Variants in VSIG10 observed in about 807,000 individuals in gnomAD.
VSIG10 encodes V-set and immunoglobulin domain containing 10, also known as V-set and immunoglobulin domain-containing protein 10.
A neutral mutation model predicts 58.7 loss-of-function variants in VSIG10; 48 were observed. The ratio of observed to expected loss-of-function variants is 0.82; its 90% CI spans 0.65 to 1.04. The LOEUF is 1.04. Ranked by LOEUF, VSIG10 falls within the 50% of genes least tolerant of loss-of-function variation. VSIG10 has a pLI of 0.00. For missense variants in VSIG10, 628 were observed against 670.0 expected (o/e 0.94, Z 0.69); for synonymous variants, 260 against 267.1 (o/e 0.97, Z 0.26).
At chr12:118,103,549 G>GGTAAA in intron 1 of VSIG10, 44 bp downstream of exon 1, 1 of 1,491,780 alleles carries the variant, frequency 6.7e-7, no homozygotes, top group Non-Finnish European at 8.9e-7. Context: ...CCCCACCGCT[G>GGTAAA]ACTGGGAAAA....
At chr12:118,097,422 C>A (rs1212732841) in intron 1 of VSIG10, among the ~76,000 whole-genome samples, 2 of 152,146 alleles carry the variant, frequency 1.3e-5, no homozygotes, top group East Asian at 3.9e-4. Flanking sequence ...CGAGACTAGC[C>A]TGGCCAACAT....
At chr12:118,096,446 C>A (rs1467015228) in intron 1 of VSIG10, among the ~76,000 whole-genome samples, 1 of 151,800 alleles carries the variant, frequency 6.6e-6, no homozygotes, top group African/African-American at 2.4e-5. Context: ...GGCGTGGTAG[C>A]ACATGCCTGT....
chr12:118,096,880 A>C (rs573784381), intron 1 of VSIG10, among the ~76,000 whole-genome samples: 15 of 151,972 alleles, frequency 9.9e-5, no homozygotes, highest in African/African-American at 3.6e-4. Context: ...TTCTATTAAA[A>C]ATACAAAAAT....
chr12:118,082,177 T>C lies in VSIG10; in HGVS notation c.614A>G (p.Asn205Ser). 2 of 1,613,950 alleles carry C rather than the reference T, an allele frequency of 1.2e-6. No individual in the cohort carries two copies. Among genetic ancestry groups the C allele is most frequent in the African/African-American group, 1.3e-5 (1 of 75,022 alleles). Reference protein sequence around the residue: ...LQGNYTCLALNQLSKRHRKVT... With the variant: ...LQGNYTCLALSQLSKRHRKVT... ...CTTTCGATGTCTCTTGCTGAGCTGA[T>C]TCAAGGCTAAACAGGTGTAGTTCCC... Residue 205 changes from asparagine to serine, a missense_variant, in exon 3 of 9, where the codon AAT becomes AGT. Transcript: ENST00000359236.
chr12:118,086,935 G>A (rs1198854257), intron 2 of VSIG10, among the ~76,000 whole-genome samples: 1 of 151,894 alleles, frequency 6.6e-6, no homozygotes, highest in Non-Finnish European at 1.5e-5. Flanking sequence ...TAATTTTTTT[G>A]TATTTTTAAT....
At chr12:118,100,928 T>A (rs1450856445) in intron 1 of VSIG10, among the ~76,000 whole-genome samples, 1 of 152,214 alleles carries the variant, frequency 6.6e-6, no homozygotes, top group East Asian at 1.9e-4. Context: ...AGATGCAACA[T>A]GTGTTCATGC....
chr12:118,094,598 G>A (rs978895044), intron 2 of VSIG10, among the ~76,000 whole-genome samples: 3 of 151,916 alleles, frequency 2.0e-5, no homozygotes, highest in Non-Finnish European at 4.4e-5. Flanking sequence ...TGGCCAGGCT[G>A]GTCTTGAACT....
chr12:118,097,815 C>T (rs34086534), intron 1 of VSIG10, among the ~76,000 whole-genome samples: 1 of 151,928 alleles, frequency 6.6e-6, no homozygotes, highest in African/African-American at 2.4e-5. Flanking sequence ...CCCAGCTACT[C>T]GGGAGGCTGA....
At chr12:118,075,112 A>G (rs1347696038) in intron 4 of VSIG10, among the ~76,000 whole-genome samples, 3 of 147,978 alleles carry the variant, frequency 2.0e-5, no homozygotes, top group South Asian at 2.1e-4. Flanking sequence ...ATATATGTGT[A>G]TATGTATATA....
At chr12:118,089,968 G>C (rs1358195242) in intron 2 of VSIG10, among the ~76,000 whole-genome samples, 1 of 152,110 alleles carries the variant, frequency 6.6e-6, no homozygotes, top group African/African-American at 2.4e-5. Flanking sequence ...CAAATGAAAT[G>C]GTGCCACACC....
chr12:118,081,606 T>C (rs760349817), intron 3 of VSIG10, among the ~76,000 whole-genome samples: 1 of 152,140 alleles, frequency 6.6e-6, no homozygotes, highest in Non-Finnish European at 1.5e-5. Flanking sequence ...CACCCCTGCA[T>C]AGCAGCAAGC....
At position 118,082,434 on chromosome 12, in the gene VSIG10, G is replaced by C. The variant is rs996562026; in HGVS notation, c.362-5C>G. On this transcript the variant is annotated splice_region_variant and splice_polypyrimidine_tract_variant and intron_variant, in intron 2 of 8. Transcript: ENST00000359236. Reference sequence around the variant, plus strand: ...CCTCAATCTGATAGGGGCCGCCTGGGGATGACAGGGGGAATAGGATGGCAT... The same window carrying C: ...CCTCAATCTGATAGGGGCCGCCTGGCGATGACAGGGGGAATAGGATGGCAT... 4.0e-5 allele frequency: 64 copies of C among 1,604,998 alleles called. No homozygotes were observed. Among genetic ancestry groups the C allele is most frequent in the Non-Finnish European group, 5.4e-5 (63 of 1,173,882 alleles).
At chr12:118,082,526 A>T in intron 2 of VSIG10, 97 bp from the exon 3 acceptor site, 1 of 1,226,798 alleles carries the variant, frequency 8.2e-7, no homozygotes, top group African/African-American at 1.5e-5. Context: ...AAAATAGCCA[A>T]TGAAGAGTAT....
intron 3 of VSIG10, among the ~76,000 whole-genome samples, chr12:118,081,877 G>A (rs1303530729): frequency 1.3e-5 from 2 of 152,254 alleles, no homozygotes; most frequent in Non-Finnish European, 2.9e-5. Flanking sequence ...TTAGCTGAGC[G>A]TGGTGGCCCA....
chr12:118,089,033 C>T lies in VSIG10; in HGVS notation c.361+6500G>A, dbSNP rs183034457. Among the ~76,000 whole-genome samples the T allele has an allele frequency of 2.3e-3, 344 of 151,970 alleles. 2 individuals are homozygous for T. The highest frequency in any genetic ancestry group is 7.9e-3 in the African/African-American group (329 of 41,444). ...TGCCATCTCGGCTCACTGCAACCTC[C>T]GCCCTCCCCGGTTGAAGCTTTTCTT... On this transcript the variant is annotated intron_variant, in intron 2 of 8. Transcript: ENST00000359236.
intron 2 of VSIG10, among the ~76,000 whole-genome samples, chr12:118,091,329 A>T (rs934871459): frequency 8.6e-5 from 13 of 152,014 alleles, no homozygotes; most frequent in African/African-American, 3.1e-4. Context: ...CATCTCTACT[A>T]AAAATACAAA....
chr12:118,078,297 T>C (rs1400290168), intron 4 of VSIG10, among the ~76,000 whole-genome samples: 1 of 152,140 alleles, frequency 6.6e-6, no homozygotes, highest in African/African-American at 2.4e-5. Context: ...TAGCTGGGAC[T>C]ACAGGCATGC....
intron 4 of VSIG10, among the ~76,000 whole-genome samples, chr12:118,078,737 G>A (rs985033256): frequency 6.6e-5 from 10 of 151,560 alleles, no homozygotes; most frequent in South Asian, 2.1e-4. Context: ...GGGTCAGTTC[G>A]AGACCAGCCT....
intron 2 of VSIG10, among the ~76,000 whole-genome samples, chr12:118,089,174 C>CCTGA (rs1413446073): frequency 1.3e-5 from 2 of 151,964 alleles, no homozygotes; most frequent in Non-Finnish European, 2.9e-5. Flanking sequence ...GTCTCAAACT[C>CCTGA]CTGACCTCAA....
Sources: allele counts gnomAD v4.1 joint callset (sites outside exome capture counted in the v4.1 genomes callset), GRCh38; gene constraint gnomAD v4.1.1; transcripts MANE v1.5; gene names NCBI Gene and HGNC (gene_info 2026-07-23, HGNC 2026-07-21).